Variants in RIMS1 observed in about 807,000 individuals in gnomAD.
The protein encoded by RIMS1 is regulating synaptic membrane exocytosis protein 1.
RIMS1 carries 83 observed loss-of-function variants against 214.1 expected under a neutral mutation model. The observed-to-expected ratio is 0.39, with a 90% confidence interval of 0.32 to 0.47. The LOEUF (loss-of-function observed/expected upper bound fraction) is 0.47, where lower values mean the gene tolerates loss of function less well. RIMS1 is among the 20% of genes least tolerant of loss of function. The pLI, the probability that RIMS1 is intolerant of heterozygous loss-of-function variation, is 0.99. For missense variants in RIMS1, 2,050 were observed against 2,161.8 expected (o/e 0.95, Z 1.03); for synonymous variants, 793 against 786.8 (o/e 1.01, Z -0.13).
chr6:71,896,914 T>C (rs1771977084), intron 1 of RIMS1, among the ~76,000 whole-genome samples: 1 of 152,176 alleles, frequency 6.6e-6, no homozygotes, highest in Non-Finnish European at 1.5e-5. Context: ...CATGTATATG[T>C]CAATGATCCC....
chr6:72,088,660 A>G (rs1325778240), intron 2 of RIMS1, among the ~76,000 whole-genome samples: 1 of 152,196 alleles, frequency 6.6e-6, no homozygotes, highest in Non-Finnish European at 1.5e-5. Flanking sequence ...TAGTGGCTCA[A>G]ACTATTAGTA....
At chr6:72,077,500 C>T (rs1719893775) in intron 2 of RIMS1, among the ~76,000 whole-genome samples, 1 of 152,174 alleles carries the variant, frequency 6.6e-6, no homozygotes, top group African/African-American at 2.4e-5. Context: ...TGCTAAGGGG[C>T]TATGTCCAAA....
chr6:72,326,187 G>A (rs1473076444), intron 28 of RIMS1, among the ~76,000 whole-genome samples: 2 of 151,930 alleles, frequency 1.3e-5, no homozygotes, highest in Middle Eastern at 3.4e-3. Flanking sequence ...TGGATTGAAT[G>A]TATGTAAATT....
At position 72,169,751 on chromosome 6, in the gene RIMS1, C is replaced by CA. The variant is rs539535528; in HGVS notation, c.472-9817dup. 3.0e-3 allele frequency among the ~76,000 whole-genome samples: 454 copies of CA among 151,992 alleles called. 3 individuals are homozygous for CA. The highest frequency in any genetic ancestry group is 0.01 in the African/African-American group (423 of 41,488). On this transcript the variant is annotated intron_variant, in intron 4 of 33. Transcript: ENST00000521978. ...AAAGCCTGTCTCTACCAAAAAAACA[C>CA]AAAAAAACAAAAATTAGCTGAGCGT...
chr6:72,084,919 T>C (rs1455143448), intron 2 of RIMS1, among the ~76,000 whole-genome samples: 2 of 152,066 alleles, frequency 1.3e-5, no homozygotes, highest in African/African-American at 2.4e-5. Context: ...AAACCCTTAA[T>C]ATATAATTTT....
intron 2 of RIMS1, among the ~76,000 whole-genome samples, chr6:72,067,528 C>G (rs1327378681): frequency 1.3e-5 from 2 of 152,198 alleles, no homozygotes; most frequent in South Asian, 2.1e-4. Flanking sequence ...AAACTGCCCT[C>G]CCACATGCCT....
At chr6:72,093,228 A>ATATATATATATATATATATATATATAAAT in intron 2 of RIMS1, among the ~76,000 whole-genome samples, 1 of 137,042 alleles carries the variant, frequency 7.3e-6, no homozygotes, top group Admixed American at 7.7e-5. Flanking sequence ...ATATATATAT[A>ATATATATATATATATATATATATATAAAT]AAAACATGTG....
chr6:72,250,036 C>T (rs1448770600), intron 12 of RIMS1, among the ~76,000 whole-genome samples: 2 of 152,008 alleles, frequency 1.3e-5, no homozygotes, highest in East Asian at 3.9e-4. Flanking sequence ...ATGTCTCCCT[C>T]TTCCCTTAGT....
At chr6:72,230,199 A>G (rs567764552) in intron 6 of RIMS1, among the ~76,000 whole-genome samples, 1 of 151,910 alleles carries the variant, frequency 6.6e-6, no homozygotes, top group South Asian at 2.1e-4. Flanking sequence ...ACATGTATGT[A>G]TTTGAAATTG....
At chr6:72,205,237 A>C (rs1026609120) in intron 6 of RIMS1, among the ~76,000 whole-genome samples, 8 of 152,208 alleles carry the variant, frequency 5.3e-5, no homozygotes, top group Non-Finnish European at 1.0e-4. Context: ...AAACTACCTG[A>C]GTTATTAAGA....
chr6:72,262,396 G>C (rs1479309105), intron 19 of RIMS1: 1 of 980,572 alleles, frequency 1.0e-6, no homozygotes, highest in Non-Finnish European at 1.2e-6. Flanking sequence ...AAAAATAAAT[G>C]AGTATTCAGC....
At chr6:72,022,399 G>A (rs1055288508) in intron 2 of RIMS1, among the ~76,000 whole-genome samples, 3 of 152,120 alleles carry the variant, frequency 2.0e-5, no homozygotes, top group African/African-American at 4.8e-5. Flanking sequence ...ACATGTAAAT[G>A]TTTATGTGAA....
chr6:71,894,854 A>G (rs1055627965), intron 1 of RIMS1, among the ~76,000 whole-genome samples: 22 of 152,244 alleles, frequency 1.4e-4, no homozygotes, highest in African/African-American at 4.8e-4. Context: ...GCACTTAATT[A>G]TAATATTAGC....
rs1193134741 is a variant in RIMS1, at chr6:72,242,452, A to G, written c.2081+15A>G. ...AGGCCTATTGGGTAAGGCTAAAAAA[A>G]CTTACTTCTTAAGTTTAGTAAATTA... On this transcript the variant is annotated intron_variant, in intron 10 of 33. Coordinates refer to ENST00000521978, the MANE Select transcript of RIMS1 (RefSeq NM_014989.7). 6.6e-7 allele frequency: 1 copy of G among 1,525,348 alleles called. No homozygotes were observed. The highest frequency in any genetic ancestry group is 1.3e-5 in the South Asian group (1 of 78,824). 94.5% of individuals were successfully genotyped at this position (1,525,348 alleles called of 1,614,324 possible).
At chr6:72,324,112 C>G (rs1441109735) in intron 28 of RIMS1, among the ~76,000 whole-genome samples, 1 of 151,624 alleles carries the variant, frequency 6.6e-6, no homozygotes, top group Non-Finnish European at 1.5e-5. Context: ...AGGTGACCAG[C>G]ACTACAAAAA....
At chr6:71,987,285 A>G (rs530974896) in intron 2 of RIMS1, among the ~76,000 whole-genome samples, 6 of 152,200 alleles carry the variant, frequency 3.9e-5, no homozygotes, top group Admixed American at 3.3e-4. Flanking sequence ...TTTATTTCTC[A>G]TAGTTCTGGA....
rs2044601012 is a variant in RIMS1, at chr6:72,157,532, T to C, written c.472-22043T>C. ...CATCATAATTAAATGCTCCTTTTCA[T>C]CTCTAGTAAGGTTTACTGCATCAAG... On this transcript the variant is annotated intron_variant, in intron 4 of 33. Transcript: ENST00000521978. 1.4e-5 allele frequency among the ~76,000 whole-genome samples: 2 copies of C among 140,608 alleles called. 1 individual carries two copies. The highest frequency in any genetic ancestry group is 3.2e-5 in the Non-Finnish European group (2 of 61,796). 92.2% of individuals were successfully genotyped at this position (140,608 alleles called of 152,430 possible).
intron 4 of RIMS1, among the ~76,000 whole-genome samples, chr6:72,131,015 T>G (rs1461845907): frequency 2.0e-5 from 3 of 152,150 alleles, no homozygotes; most frequent in Non-Finnish European, 2.9e-5. Flanking sequence ...AAATAGAAAT[T>G]GATCAATTTG....
chr6:72,315,745 T>G (rs2095750243), intron 28 of RIMS1, among the ~76,000 whole-genome samples: 1 of 151,984 alleles, frequency 6.6e-6, no homozygotes, highest in African/African-American at 2.4e-5. Context: ...TTTGCTTCCC[T>G]CGTCAATCCT....
Sources: allele counts gnomAD v4.1 joint callset (sites outside exome capture counted in the v4.1 genomes callset), GRCh38; gene constraint gnomAD v4.1.1; transcripts MANE v1.5; gene names NCBI Gene and HGNC (gene_info 2026-07-23, HGNC 2026-07-21).